The following SUPV3L1 variants were observed in gnomAD, a reference collection of about 807,000 sequenced individuals.
SUPV3L1 encodes Suv3 like RNA helicase.
A neutral mutation model predicts 70.0 loss-of-function variants in SUPV3L1; 35 were observed. The observed-to-expected ratio is 0.50, with a 90% CI of 0.38 to 0.66. The LOEUF (loss-of-function observed/expected upper bound fraction) is 0.66. SUPV3L1 is among the 30% of genes least tolerant of loss of function. SUPV3L1 has a pLI of 0.00. For missense variants in SUPV3L1, 777 were observed against 961.5 expected (o/e 0.81, Z 2.54); for synonymous variants, 364 against 341.9 (o/e 1.06, Z -0.71).
intron 5 of SUPV3L1, among the ~76,000 whole-genome samples, chr10:69,189,796 A>G (rs187543521): frequency 0.057 from 8,628 of 151,738 alleles, 280 homozygotes; most frequent in South Asian, 0.13. Context: ...ACAGGCGCCC[A>G]CCACCACGCC....
intron 8 of SUPV3L1, 102 bp from the exon 9 acceptor site, chr10:69,198,269 GT>G: frequency 1.9e-6 from 2 of 1,035,752 alleles, no homozygotes; most frequent in Non-Finnish European, 2.8e-6. Context: ...GTACTTATCA[GT>G]TTTTAGCTAC....
chr10:69,209,079 A>C lies in SUPV3L1; in HGVS notation c.*44A>C, dbSNP rs1280611410. ...TTTTTTTTATTTAATTTTGCAAATA[A>C]AAATTTATTTTGAATCCTTTTTCCT... is the stretch of plus-strand genomic sequence containing the variant. On this transcript the variant is annotated 3_prime_UTR_variant, in exon 15 of 15. Coordinates refer to ENST00000359655, the MANE Select transcript of SUPV3L1 (RefSeq NM_003171.5). The C allele has an allele frequency of 4.0e-6, 6 of 1,490,562 alleles. No individual in the cohort carries two copies. The East Asian group carries it at 1.4e-4, about 35-fold the overall frequency. The allele number at this position is 1,490,562 out of a possible 1,614,324, so 92.3% of individuals were successfully genotyped here.
intron 13 of SUPV3L1, among the ~76,000 whole-genome samples, chr10:69,206,731 A>G (rs1842839990): frequency 6.6e-6 from 1 of 152,166 alleles, no homozygotes; most frequent in Non-Finnish European, 1.5e-5. Context: ...GAGGACAGCC[A>G]GGTGCGGTGG....
At position 69,194,444 on chromosome 10, in the gene SUPV3L1, C is replaced by T. The variant is rs145396181; in HGVS notation, c.854-744C>T. ...TTGGCTCACTGCAGGCTCCGCCTCC[C>T]GGGATCAAATGATTCTCCTGCCTCA... is the stretch of plus-strand genomic sequence containing the variant. On this transcript the variant is annotated intron_variant, in intron 6 of 14. Coordinates refer to ENST00000359655, the MANE Select transcript of SUPV3L1 (RefSeq NM_003171.5). Among the ~76,000 whole-genome samples the T allele has an allele frequency of 7.3e-4, 111 of 152,088 alleles. 1 individual carries two copies. Among genetic ancestry groups the T allele is most frequent in the Non-Finnish European group, 1.3e-3 (91 of 67,984 alleles).
chr10:69,198,032 A>C (rs1460703859), intron 8 of SUPV3L1, among the ~76,000 whole-genome samples: 2 of 152,180 alleles, frequency 1.3e-5, no homozygotes, highest in Admixed American at 1.3e-4. Flanking sequence ...TCAGACATTA[A>C]TTTTTTATTG....
At chr10:69,206,665 T>C (rs1842837687) in intron 13 of SUPV3L1, among the ~76,000 whole-genome samples, 1 of 152,220 alleles carries the variant, frequency 6.6e-6, no homozygotes, top group South Asian at 2.1e-4. Context: ...AGATCCAAGA[T>C]TGACTTCTGA....
chr10:69,182,873 A>G (rs1483009914), intron 1 of SUPV3L1, among the ~76,000 whole-genome samples: 1 of 152,198 alleles, frequency 6.6e-6, no homozygotes, highest in Non-Finnish European at 1.5e-5. Context: ...AAGTTGAGGT[A>G]CTTAAAGGCT....
chr10:69,196,925 C>G (rs1013755077), intron 7 of SUPV3L1, 67 bp from the exon 8 acceptor site: 23 of 1,374,434 alleles, frequency 1.7e-5, no homozygotes, highest in Middle Eastern at 1.9e-4. Flanking sequence ...AGTACTTTGG[C>G]TATGTAAAAT....
At chr10:69,202,717 G>T in intron 12 of SUPV3L1, 150 bp from the exon 13 acceptor site, 1 of 988,916 alleles carries the variant, frequency 1.0e-6, no homozygotes, top group East Asian at 2.5e-5. Context: ...ATTTCAGGTG[G>T]GGAAGGATAT....
At chr10:69,190,577 C>G (rs1842365721) in intron 5 of SUPV3L1, among the ~76,000 whole-genome samples, 1 of 152,194 alleles carries the variant, frequency 6.6e-6, no homozygotes, top group African/African-American at 2.4e-5. Flanking sequence ...ATAGATTACT[C>G]TTACTTAATA....
chr10:69,185,594 C>T (rs1014541590), intron 1 of SUPV3L1, among the ~76,000 whole-genome samples: 3 of 151,898 alleles, frequency 2.0e-5, no homozygotes, highest in South Asian at 2.1e-4. Flanking sequence ...CTCCGCCTCC[C>T]GGGTTCATGC....
At chr10:69,188,873 T>C (rs1250155395) in intron 4 of SUPV3L1, among the ~76,000 whole-genome samples, 1 of 152,174 alleles carries the variant, frequency 6.6e-6, no homozygotes, top group African/African-American at 2.4e-5. Context: ...GACTCTGTTA[T>C]TATATTTGTG....
Position 69,202,868 on chromosome 10 carries a change from A to G in SUPV3L1, c.1601A>G (p.Asp534Gly), listed in dbSNP as rs1332437443. The G allele has an allele frequency of 1.2e-6, 2 of 1,607,522 alleles. No individual in the cohort carries two copies. The highest frequency in any genetic ancestry group is 1.7e-6 in the Non-Finnish European group (2 of 1,177,240). ...LPDATLSNLIDIFVDFSQVDG... is the reference protein window; with the variant it reads ...LPDATLSNLIGIFVDFSQVDG... The stretch of plus-strand genomic sequence containing the variant: ...AATTTCTGTCTTTTTTTCCCCAAGG[A>G]TATTTTTGTAGACTTTTCACAAGTT... Residue 534 changes from aspartate (D) to glycine (G), a missense_variant and splice_region_variant, in exon 13 of 15, where the codon GAT becomes GGT. Physicochemically the swap from Asp to Gly is moderately conservative, Grantham distance 94. Transcript: ENST00000359655.
In SUPV3L1 at chr10:69,202,980, G is replaced by A. The variant is rs756542011; in HGVS notation, c.1713G>A (p.Arg571=). 3.7e-6 allele frequency: 6 copies of A among 1,613,946 alleles called. No homozygotes were observed. In the African/African-American group the frequency reaches 5.3e-5, roughly 14 times the overall value. The change falls in exon 13 of 15, where the codon AGG becomes AGA. Residue 571 remains arginine, a synonymous_variant. Coordinates refer to ENST00000359655, the MANE Select transcript of SUPV3L1 (RefSeq NM_003171.5). The part of the protein sequence containing the change: ...IQHIPLSLRV[R]YVFCTAPINK... ...ATATTCCACTAAGTCTGCGAGTGAG[G>A]TATGTTTTCTGCACAGCTCCTATCA...
intron 8 of SUPV3L1, among the ~76,000 whole-genome samples, chr10:69,198,137 C>T (rs1842589977): frequency 6.6e-6 from 1 of 152,098 alleles, no homozygotes; most frequent in African/African-American, 2.4e-5. Flanking sequence ...TGAGAAAAAG[C>T]TTTGAAAACA....
chr10:69,182,734 C>T (rs1721164225), intron 1 of SUPV3L1: 1 of 956,348 alleles, frequency 1.0e-6, no homozygotes, highest in Non-Finnish European at 1.2e-6. Context: ...GCAGGAGGGG[C>T]TACAGAAGAT....
chr10:69,205,831 G>A (rs925751014), intron 13 of SUPV3L1, among the ~76,000 whole-genome samples: 3 of 152,298 alleles, frequency 2.0e-5, no homozygotes, highest in South Asian at 2.1e-4. Context: ...CACCACACCC[G>A]GCCGCTCCGT....
chr10:69,181,000 G>A (rs1335940775), intron 1 of SUPV3L1, among the ~76,000 whole-genome samples: 1 of 152,164 alleles, frequency 6.6e-6, no homozygotes, highest in African/African-American at 2.4e-5. Flanking sequence ...AGGCTGTGTG[G>A]TGGTTGCCAA....
In SUPV3L1 at chr10:69,200,244, A is replaced by G. The variant is rs201620635; in HGVS notation, c.1299-36A>G. The G allele has an allele frequency of 3.0e-5, 47 of 1,573,598 alleles. No individual in the cohort carries two copies. In the East Asian group the frequency reaches 3.6e-4, roughly 12 times the overall value. ...TGACCCAAGTATTGGAGGGTTTTTC[A>G]TACAGTCTGCAGGATCACTTTTATT... is the stretch of plus-strand genomic sequence containing the variant. On this transcript the variant is annotated intron_variant, in intron 10 of 14. Transcript: ENST00000359655.
Sources: allele counts gnomAD v4.1 joint callset (sites outside exome capture counted in the v4.1 genomes callset), GRCh38; gene constraint gnomAD v4.1.1; transcripts MANE v1.5; gene names NCBI Gene and HGNC (gene_info 2026-07-23, HGNC 2026-07-21).